Variants in PLPP2 observed in about 807,000 individuals in gnomAD.
PLPP2 encodes phospholipid phosphatase 2, also known as PAP2-gamma.
In PLPP2, 29 loss-of-function variants were observed where a neutral mutation model predicts 35.2. That is an observed-to-expected ratio of 0.82 (90% CI 0.61 to 1.12). The LOEUF (loss-of-function observed/expected upper bound fraction) is 1.12, where lower values mean the gene tolerates loss of function less well. PLPP2 is among the 50% of genes most tolerant of loss of function. The pLI is 0.00. For synonymous variants in PLPP2, 162 were observed against 167.0 expected (o/e 0.97, Z 0.23); for missense variants, 353 against 375.2 (o/e 0.94, Z 0.49).
At chr19:288,780 T>C (rs995611936) in intron 1 of PLPP2, among the ~76,000 whole-genome samples, 2 of 152,134 alleles carry the variant, frequency 1.3e-5, no homozygotes, top group African/African-American at 4.8e-5. Context: ...CTGGAATTGA[T>C]TTCCCCCCAT....
chr19:291,099 C>G, intron 1 of PLPP2, 186 bp downstream of exon 1: 1 of 1,341,130 alleles, frequency 7.5e-7, no homozygotes, highest in Non-Finnish European at 9.6e-7. Flanking sequence ...GACCCCCGAG[C>G]CTGGGAGGGC....
In PLPP2 at chr19:282,261, G is replaced by T. The variant is rs552425552; in HGVS notation, c.590C>A (p.Pro197His). ...GGCCACCAGGAAGAACTGGACTGTGGGTCGCAGCAGCCGTGCCCACTTCCA... is the reference window on the plus strand; with the variant it reads ...GGCCACCAGGAAGAACTGGACTGTGTGTCGCAGCAGCCGTGCCCACTTCCA... Reference protein sequence around the residue: ...LCWKWARLLRPTVQFFLVAFA... With the variant: ...LCWKWARLLRHTVQFFLVAFA... Residue 197 changes from proline (P) to histidine (H), a missense_variant, in exon 5 of 6, where the codon CCC becomes CAC. Pro to His is a moderately conservative substitution (Grantham distance 77). Coordinates refer to ENST00000434325, the MANE Select transcript of PLPP2 (RefSeq NM_003712.4). The T allele has an allele frequency of 8.7e-6, 14 of 1,613,888 alleles. No individual in the cohort carries two copies. In the African/African-American group the frequency reaches 1.5e-4, roughly 17 times the overall value.
Position 287,661 on chromosome 19 carries a change from G to C in PLPP2, c.295C>G (p.Leu99Val). ...NNYVAAVYKV[L>V]GTFLFGAAVS... ...GCAGCCCCAAACAGGAAGGTCCCCA[G>C]CACCTTGTATACAGCAGCCACGTAG... is the stretch of plus-strand genomic sequence containing the variant. Residue 99 changes from leucine (L) to valine (V), a missense_variant, in exon 3 of 6, where the codon CTG (leucine) becomes GTG (valine). Transcript: ENST00000434325. The surrounding 1 kb of genome is among the most constrained non-coding windows in gnomAD (Gnocchi z 4.3). 2 of 1,613,938 alleles carry C rather than the reference G, an allele frequency of 1.2e-6. No homozygotes were observed. Among genetic ancestry groups the C allele is most frequent in the Non-Finnish European group, 1.7e-6 (2 of 1,180,044 alleles).
At chr19:290,854 C>T in intron 1 of PLPP2, 1 of 1,027,888 alleles carries the variant, frequency 9.7e-7, no homozygotes, top group Non-Finnish European at 1.2e-6. Context: ...TCAGCCCTCT[C>T]CGCGCGCAGC....
chr19:288,997 G>A (rs773467198), intron 1 of PLPP2, among the ~76,000 whole-genome samples: 6 of 152,150 alleles, frequency 3.9e-5, no homozygotes, highest in East Asian at 1.9e-4. Flanking sequence ...CCCCTTCATC[G>A]ACCAGCCACG....
intron 1 of PLPP2, chr19:290,815 G>T: frequency 1.3e-6 from 1 of 753,396 alleles, no homozygotes; most frequent in Non-Finnish European, 1.8e-6. Flanking sequence ...TTCGAATCCC[G>T]CCGACGCACC....
chr19:291,339 T>C lies in PLPP2; in HGVS notation c.-3A>G. ...ACGAAGACCCACCTCCGCTGCATGG[T>C]CCCCGCGACCCCCGACGCCGGTCCC... is the stretch of plus-strand genomic sequence containing the variant. On this transcript the variant is annotated 5_prime_UTR_variant, in exon 1 of 6. Transcript: ENST00000434325. The C allele has an allele frequency of 6.3e-7, 1 of 1,582,574 alleles. No individual in the cohort carries two copies. Among genetic ancestry groups the C allele is most frequent in the Non-Finnish European group, 8.6e-7 (1 of 1,167,454 alleles).
intron 1 of PLPP2, chr19:290,979 G>A: frequency 8.0e-6 from 10 of 1,249,372 alleles, no homozygotes; most frequent in Non-Finnish European, 1.0e-5. Context: ...GCGGGATGGA[G>A]GCGCGCGCGC....
chr19:289,746 A>T (rs759588845), intron 1 of PLPP2, among the ~76,000 whole-genome samples: 3 of 151,978 alleles, frequency 2.0e-5, no homozygotes, highest in Non-Finnish European at 4.4e-5. Flanking sequence ...GAGGCAGGGC[A>T]GGACGGCGGA....
Position 288,785 on chromosome 19 carries a change from C to A in PLPP2, c.53-614G>T, listed in dbSNP as rs1970323112. Among the ~76,000 whole-genome samples, 2 of 152,138 alleles carry A rather than the reference C, an allele frequency of 1.3e-5. 1 individual carries two copies. Among genetic ancestry groups the A allele is most frequent in the South Asian group, 4.1e-4 (2 of 4,826 alleles). ...GTGTGGGACACTGGAATTGATTTCC[C>A]CCCATCCACCCACCGGCACCAGGAG... On this transcript the variant is annotated intron_variant, in intron 1 of 5. Transcript: ENST00000434325.
intron 3 of PLPP2, chr19:283,370 C>T (rs893636173): frequency 1.3e-5 from 2 of 155,014 alleles, no homozygotes; most frequent in Non-Finnish European, 2.9e-5. Context: ...GGTCCCTCTC[C>T]CACTGCCTAG....
chr19:285,557 T>A (rs1310185879), intron 3 of PLPP2: 1 of 135,208 alleles, frequency 7.4e-6, no homozygotes, highest in East Asian at 2.2e-4. Context: ...CAAGATCACG[T>A]CACCGCACTC....
Position 290,947 on chromosome 19 carries a change from C to A in PLPP2, c.52+338G>T, listed in dbSNP as rs8111051. ...GCCCCCACCTCCCGGGCCCGCGTGACTCACCTCCCAGGCCAGGCGGGGCGG... is the reference window on the plus strand; with the variant it reads ...GCCCCCACCTCCCGGGCCCGCGTGAATCACCTCCCAGGCCAGGCGGGGCGG... On this transcript the variant is annotated intron_variant, in intron 1 of 5. Transcript: ENST00000434325. The A allele has an allele frequency of 0.37, 455,707 of 1,231,542 alleles. 85,286 individuals are homozygous for A. The highest frequency in any genetic ancestry group is 0.46 in the Admixed American group (10,705 of 23,502). The allele number at this position is 1,231,542 out of a possible 1,614,324, so 76.3% of individuals were successfully genotyped here.
intron 3 of PLPP2, chr19:285,586 G>A (rs1162634655): frequency 7.7e-6 from 1 of 129,080 alleles, no homozygotes; most frequent in Non-Finnish European, 1.6e-5. Flanking sequence ...GCGACACAGT[G>A]AGACTCTTTC....
intron 1 of PLPP2, among the ~76,000 whole-genome samples, chr19:290,659 C>G (rs1016105577): frequency 1.3e-5 from 2 of 152,196 alleles, no homozygotes; most frequent in African/African-American, 4.8e-5. Flanking sequence ...CAGTGTGGCC[C>G]GCAAACCCGC....
chr19:283,701 G>T (rs950901298), intron 3 of PLPP2: 1 of 152,240 alleles, frequency 6.6e-6, no homozygotes, highest in Admixed American at 6.5e-5. Flanking sequence ...AAGCTCTCAC[G>T]TCTGGCCGCC....
intron 1 of PLPP2, 22 bp from the exon 2 acceptor site, chr19:288,193 G>A (rs1240041706): frequency 6.4e-7 from 1 of 1,551,328 alleles, no homozygotes; most frequent in Non-Finnish European, 8.7e-7. Context: ...GAAAAGCCTG[G>A]GAGCTGTGAG....
At chr19:288,819 C>T (rs1325558531) in intron 1 of PLPP2, among the ~76,000 whole-genome samples, 1 of 152,156 alleles carries the variant, frequency 6.6e-6, no homozygotes, top group Non-Finnish European at 1.5e-5. Context: ...AGGGGCCTAC[C>T]GTATTCAGGG....
chr19:287,882 A>C lies in PLPP2; in HGVS notation c.205-131T>G. Reference sequence around the variant, plus strand: ...GGGGGCCCTATTACCCACAGGTACCACTCAGGGCAAGGCTGTGTCCCCCGG... The same window carrying C: ...GGGGGCCCTATTACCCACAGGTACCCCTCAGGGCAAGGCTGTGTCCCCCGG... On this transcript the variant is annotated intron_variant, in intron 2 of 5. Transcript: ENST00000434325. The surrounding 1 kb of genome is among the most constrained non-coding windows in gnomAD (Gnocchi z 4.3). The C allele has an allele frequency of 6.6e-7, 1 of 1,504,948 alleles. No homozygotes were observed. The highest frequency in any genetic ancestry group is 2.3e-5 in the East Asian group (1 of 43,964). 93.2% of individuals were successfully genotyped at this position (1,504,948 alleles called of 1,614,324 possible). A position where few individuals can be genotyped will look rare whatever the true frequency, so the allele number is the denominator to read the frequency against.
Sources: allele counts gnomAD v4.1 joint callset (sites outside exome capture counted in the v4.1 genomes callset), GRCh38; gene constraint gnomAD v4.1.1; non-coding constraint Gnocchi (gnomAD v3.1); transcripts MANE v1.5; gene names NCBI Gene and HGNC (gene_info 2026-07-23, HGNC 2026-07-21).